Variants in NAV3 observed in about 807,000 individuals in gnomAD.
NAV3 encodes pore membrane and/or filament interacting like protein 1.
NAV3 carries 87 observed loss-of-function variants against 244.7 expected under a neutral mutation model. The observed-to-expected ratio is 0.36, with a 90% CI of 0.30 to 0.42. The LOEUF is 0.42. Ranked by LOEUF, NAV3 falls within the 20% of genes least tolerant of loss-of-function variation. NAV3 has a pLI of 1.00. For synonymous variants in NAV3, 1,126 were observed against 1,042.2 expected, an observed-to-expected ratio of 1.08 and a Z score of -1.55; for missense variants, 2,663 against 2,893.3, an observed-to-expected ratio of 0.92 and a Z score of 1.83.
chr12:77,636,233 A>C (rs1872147034), intron 2 of NAV3, among the ~76,000 whole-genome samples: 1 of 152,074 alleles, frequency 6.6e-6, no homozygotes, highest in African/African-American at 2.4e-5. Flanking sequence ...TGGCAGGCCA[A>C]GGCTCCCAGG....
chr12:78,153,826 CT>C (rs1251203530), intron 22 of NAV3, among the ~76,000 whole-genome samples: 1 of 151,796 alleles, frequency 6.6e-6, no homozygotes, highest in Non-Finnish European at 1.5e-5. Context: ...GCTAGTTACT[CT>C]TGCTTTTTTG....
At chr12:77,920,161 C>T (rs1887568068) in intron 1 of NAV3, among the ~76,000 whole-genome samples, 2 of 151,864 alleles carry the variant, frequency 1.3e-5, no homozygotes, top group Non-Finnish European at 2.9e-5. Context: ...ATAGTAGTTT[C>T]CTCATCTGTA....
intron 39 of NAV3, among the ~76,000 whole-genome samples, chr12:78,208,696 C>A (rs1040588673): frequency 6.6e-6 from 1 of 152,148 alleles, no homozygotes; most frequent in Non-Finnish European, 1.5e-5. Context: ...AATAACAATA[C>A]TATTACACAG....
rs538774862 is a variant in NAV3 at position 78,050,995 on chromosome 12, T to G, written c.2364T>G (p.Ala788=). Residue 788 remains alanine, a synonymous_variant, in exon 11 of 40, where the codon GCT becomes GCG. Coordinates refer to ENST00000397909, the MANE Select transcript of NAV3 (RefSeq NM_001024383.2). ...RFMYTTPLRR[A]AVSRLGNMSQ... The stretch of plus-strand genomic sequence containing the variant: ...TGTATACCACGCCTCTCCGTCGAGC[T>G]GCTGTCTCTAGGCTGGGAAACATGT... 28 of 1,614,110 alleles carry G rather than the reference T, an allele frequency of 1.7e-5. No individual in the cohort carries two copies. The South Asian group carries it at 2.6e-4, about 15-fold the overall frequency.
At chr12:78,086,409 C>T (rs1445859034) in intron 12 of NAV3, among the ~76,000 whole-genome samples, 1 of 151,976 alleles carries the variant, frequency 6.6e-6, no homozygotes, top group Non-Finnish European at 1.5e-5. Context: ...AATTATAAAA[C>T]ATATGCAGCA....
intron 2 of NAV3, among the ~76,000 whole-genome samples, chr12:77,601,873 G>C (rs1870449799): frequency 6.6e-6 from 1 of 151,978 alleles, no homozygotes; most frequent in African/African-American, 2.4e-5. Flanking sequence ...TTTTTCTCAG[G>C]TAGAATTGAC....
At chr12:77,747,060 C>G (rs1255210503) in intron 2 of NAV3, among the ~76,000 whole-genome samples, 5 of 152,038 alleles carry the variant, frequency 3.3e-5, no homozygotes, top group Non-Finnish European at 7.4e-5. Flanking sequence ...TTCTTCTTAA[C>G]TTTAAGTAAA....
At chr12:77,933,334 G>A (rs988421854) in intron 1 of NAV3, among the ~76,000 whole-genome samples, 1 of 152,158 alleles carries the variant, frequency 6.6e-6, no homozygotes, top group South Asian at 2.1e-4. Flanking sequence ...TAGCAATGGA[G>A]GAGTGGAAGG....
chr12:77,747,785 A>G (rs1444065143), intron 2 of NAV3, among the ~76,000 whole-genome samples: 1 of 152,192 alleles, frequency 6.6e-6, no homozygotes, highest in African/African-American at 2.4e-5. Flanking sequence ...TTGCAAAGAC[A>G]AAAAACCAAA....
chr12:77,968,440 A>C (rs1439837943), intron 4 of NAV3, 79 bp from the exon 5 acceptor site: 2 of 1,111,684 alleles, frequency 1.8e-6, no homozygotes, highest in Non-Finnish European at 2.7e-6. Context: ...GATTTATTTC[A>C]AGAGAAATGC....
rs1190980081 is a variant in NAV3, at chr12:77,929,901, G to A, written c.244-10418G>A. ...TGACCTCAAGTTATATGCCTGCCTC[G>A]GCCTCCCAAAGTGCTGGGATTACAG... On this transcript the variant is annotated intron_variant, in intron 1 of 39. Coordinates refer to ENST00000397909, the MANE Select transcript of NAV3 (RefSeq NM_001024383.2). 5.4e-5 allele frequency among the ~76,000 whole-genome samples: 8 copies of A among 148,740 alleles called. 1 individual carries two copies. The highest frequency in any genetic ancestry group is 4.1e-4 in the Admixed American group (6 of 14,636).
At chr12:77,985,480 T>C (rs1050548080) in intron 5 of NAV3, among the ~76,000 whole-genome samples, 2 of 152,166 alleles carry the variant, frequency 1.3e-5, no homozygotes, top group African/African-American at 4.8e-5. Context: ...TAGAATAACA[T>C]CAGTGATGGC....
rs562012413 is a variant in NAV3, at chr12:77,613,644, AG to A, written c.72+41379del. ...AGCACTCCTGCCCGTAAGTTAGAAA[AG>A]CATATTGTTCTCAGTGTTTGTGGGT... On this transcript the variant is annotated intron_variant, in intron 2 of 8. Transcript: ENST00000550042. Among the ~76,000 whole-genome samples the A allele has an allele frequency of 3.1e-3, 473 of 152,230 alleles. 1 individual carries two copies. Among genetic ancestry groups the A allele is most frequent in the African/African-American group, 0.011 (462 of 41,548 alleles).
intron 2 of NAV3, among the ~76,000 whole-genome samples, chr12:77,699,131 T>G (rs1298689869): frequency 6.6e-6 from 1 of 152,196 alleles, no homozygotes; most frequent in Admixed American, 6.6e-5. Context: ...GAATATAGAA[T>G]TATTCATTTC....
rs1292708793 is a variant in NAV3, at chr12:78,210,820, A to G, written c.*303A>G. The G allele has an allele frequency of 2.0e-5, 6 of 295,042 alleles. No individual in the cohort carries two copies. Among genetic ancestry groups the G allele is most frequent in the Non-Finnish European group, 3.8e-5 (6 of 158,330 alleles). The allele number at this position is 295,042 out of a possible 1,614,324, so 18.3% of individuals were successfully genotyped here. ...GAACAGATTGCACATGGGATAGCCA[A>G]ACTGGACTTTCTTTGTTTCCTCTTT... On this transcript the variant is annotated 3_prime_UTR_variant, in exon 40 of 40. Transcript: ENST00000397909.
At chr12:77,618,073 G>C (rs1303991762) in intron 2 of NAV3, among the ~76,000 whole-genome samples, 1 of 152,124 alleles carries the variant, frequency 6.6e-6, no homozygotes, top group Admixed American at 6.6e-5. Context: ...CTGATTAGTA[G>C]TATAGAATTT....
intron 2 of NAV3, among the ~76,000 whole-genome samples, chr12:77,579,471 T>A (rs1263449508): frequency 6.6e-6 from 1 of 152,228 alleles, no homozygotes; most frequent in Non-Finnish European, 1.5e-5. Flanking sequence ...TGAGGGCCTC[T>A]TGCTGCATCA....
chr12:77,712,287 C>T (rs879577335), intron 2 of NAV3, among the ~76,000 whole-genome samples: 11 of 152,136 alleles, frequency 7.2e-5, no homozygotes, highest in Non-Finnish European at 1.3e-4. Flanking sequence ...CTACCATTTA[C>T]ATAGAGGGAG....
chr12:78,105,938 C>T (rs1489422292), intron 12 of NAV3, among the ~76,000 whole-genome samples: 1 of 151,348 alleles, frequency 6.6e-6, no homozygotes, highest in Admixed American at 6.6e-5. Flanking sequence ...ACTTAATAAT[C>T]TAATCCAGGT....
Sources: allele counts gnomAD v4.1 joint callset (sites outside exome capture counted in the v4.1 genomes callset), GRCh38; gene constraint gnomAD v4.1.1; transcripts MANE v1.5; gene names NCBI Gene and HGNC (gene_info 2026-07-23, HGNC 2026-07-21).